The following SCN7A variants were observed in gnomAD, a reference collection of about 807,000 sequenced individuals.
SCN7A encodes the protein sodium voltage-gated channel alpha subunit 7, also known as sodium channel protein type 7 subunit alpha.
Under a neutral mutation model 155.2 loss-of-function variants are expected in SCN7A, and 138 were observed. The observed-to-expected ratio is 0.89, with a 90% CI of 0.77 to 1.02. SCN7A has a LOEUF of 1.02. Ranked by LOEUF, SCN7A falls within the 50% of genes least tolerant of loss-of-function variation. The probability of loss-of-function intolerance (pLI) is 0.00; values close to 1 mark genes in which losing one functional copy is unlikely to be tolerated. For synonymous variants in SCN7A, 693 were observed against 649.0 expected, an observed-to-expected ratio of 1.07 and a Z score of -1.03; for missense variants, 2,058 against 1,986.6, an observed-to-expected ratio of 1.04 and a Z score of -0.68.
chr2:166,427,832 TA>T lies in SCN7A; in HGVS notation c.2808del (p.Phe936LeufsTer33). 6.2e-7 allele frequency: 1 copy of T among 1,612,028 alleles called. No individual in the cohort carries two copies. Among genetic ancestry groups the T allele is most frequent in the South Asian group, 1.1e-5 (1 of 90,908 alleles). On this transcript the variant is annotated frameshift_variant, in exon 18 of 26. Coordinates refer to ENST00000643258, the MANE Select transcript of SCN7A (RefSeq NM_002976.4). LOFTEE classifies it high-confidence loss of function. ...TCCKIVENNW[F>X]KCFIGLVTLL... is the part of the protein sequence containing the mutation. ...AGAGTAACAAGCCCAATAAAACACT[TA>T]AACCAATTGTTCTCTACAATCTTGC...
At chr2:166,446,254 C>A (rs914668001) in intron 12 of SCN7A, among the ~76,000 whole-genome samples, 25 of 152,038 alleles carry the variant, frequency 1.6e-4, no homozygotes, top group African/African-American at 5.6e-4. Flanking sequence ...GTGTGGCCAA[C>A]AAACATTTGA....
chr2:166,441,439 C>T lies in SCN7A; in HGVS notation c.2114G>A (p.Cys705Tyr). Reference protein sequence around the residue: ...DCMEVAGQSWCIPFYLMVILI... With the variant: ...DCMEVAGQSWYIPFYLMVILI... ...AATGACCATCAGGTAAAAAGGAATA[C>T]ACCAGGATTGGCCTGCAACCTCCAT... Residue 705 changes from cysteine to tyrosine, a missense_variant, in exon 15 of 26, where the codon TGT becomes TAT. Cys to Tyr is a radical substitution (Grantham distance 194). Coordinates refer to ENST00000643258, the MANE Select transcript of SCN7A (RefSeq NM_002976.4). The T allele has an allele frequency of 6.2e-7, 1 of 1,611,252 alleles. No homozygotes were observed. The highest frequency in any genetic ancestry group is 1.1e-5 in the South Asian group (1 of 90,516).
chr2:166,462,480 T>C lies in SCN7A; in HGVS notation c.992A>G (p.Gln331Arg), dbSNP rs1702436607. 6.2e-7 allele frequency: 1 copy of C among 1,613,716 alleles called. No homozygotes were observed. The highest frequency in any genetic ancestry group is 8.5e-7 in the Non-Finnish European group (1 of 1,179,828). ...VCVKAGINPD[Q>R]GFTNFDSFGW... ...AAAACTGTCAAAATTTGTGAAGCCT[T>C]GATCAGGATTTATGCCAGCTTTTAC... Residue 331 changes from glutamine (Q) to arginine (R), a missense_variant, in exon 10 of 26, where the codon CAA becomes CGA. Gln to Arg is a conservative substitution (Grantham distance 43, BLOSUM62 1). Transcript: ENST00000643258.
At chr2:166,482,814 C>T (rs1305562569) in intron 2 of SCN7A, among the ~76,000 whole-genome samples, 2 of 151,032 alleles carry the variant, frequency 1.3e-5, no homozygotes, top group African/African-American at 2.4e-5. Context: ...ATGCATCTGA[C>T]TTCTAGATGG....
At chr2:166,417,475 C>A (rs906783671) in intron 20 of SCN7A, among the ~76,000 whole-genome samples, 5 of 151,856 alleles carry the variant, frequency 3.3e-5, no homozygotes, top group African/African-American at 7.2e-5. Context: ...TCCATCCCCC[C>A]ACAAAAAAGA....
Position 166,472,400 on chromosome 2 carries a change from G to T in SCN7A, c.489C>A (p.Leu163=). 6.2e-7 allele frequency: 1 copy of T among 1,607,084 alleles called. No individual in the cohort carries two copies. The highest frequency in any genetic ancestry group is 8.5e-7 in the Non-Finnish European group (1 of 1,175,602). ...ATCCTGCCCAGACACCTCTTGCAAA[G>T]AGTTTTACAAGTATTTCAAATGTGT... ...GIYTFEILVK[L]FARGVWAGSF... Residue 163 remains leucine (L), a synonymous_variant, in exon 6 of 26, where the codon CTC becomes CTA. Transcript: ENST00000643258.
chr2:166,409,418 T>C (rs950055592), intron 25 of SCN7A, among the ~76,000 whole-genome samples: 1 of 152,004 alleles, frequency 6.6e-6, no homozygotes, highest in Non-Finnish European at 1.5e-5. Context: ...TGGTGGCTTG[T>C]ATGCAAAGTC....
chr2:166,421,103 CGAGAA>C, intron 20 of SCN7A, 82 bp downstream of exon 20: 1 of 827,358 alleles, frequency 1.2e-6, no homozygotes, highest in Non-Finnish European at 1.9e-6. Context: ...AAGGTACAAA[CGAGAA>C]GAAAACAAAG....
intron 9 of SCN7A, 54 bp from the exon 10 acceptor site, chr2:166,462,584 G>GAGACTAAAGGTTTCTACTGGGGAT: frequency 6.5e-7 from 1 of 1,539,562 alleles, no homozygotes; most frequent in Non-Finnish European, 8.9e-7. Context: ...ATCAGATTAT[G>GAGACTAAAGGTTTCTACTGGGGAT]GTCAAATCAT....
At chr2:166,490,288 C>T (rs1683065343) in intron 1 of SCN7A, among the ~76,000 whole-genome samples, 1 of 152,100 alleles carries the variant, frequency 6.6e-6, no homozygotes, top group African/African-American at 2.4e-5. Context: ...CTGGAAAGTA[C>T]CATTCTACTC....
Position 166,405,502 on chromosome 2 carries a change from C to T in SCN7A, c.*78G>A. The T allele has an allele frequency of 9.2e-7, 1 of 1,085,390 alleles. No homozygotes were observed. The highest frequency in any genetic ancestry group is 1.3e-6 in the Non-Finnish European group (1 of 755,524). 67.2% of individuals were successfully genotyped at this position (1,085,390 alleles called of 1,614,324 possible). A position where few individuals can be genotyped will look rare whatever the true frequency, so the allele number is the denominator to read the frequency against. ...TGTAAAGAACTGATTATTATCTCTA[C>T]TTTTCTTTTATTCCTGGCTTAGGCT... On this transcript the variant is annotated 3_prime_UTR_variant, in exon 26 of 26. Coordinates refer to ENST00000643258, the MANE Select transcript of SCN7A (RefSeq NM_002976.4).
Position 166,404,526 on chromosome 2 carries a change from C to G in SCN7A, c.*1054G>C, listed in dbSNP as rs967414702. On this transcript the variant is annotated 3_prime_UTR_variant, in exon 26 of 26. Coordinates refer to ENST00000643258, the MANE Select transcript of SCN7A (RefSeq NM_002976.4). ...CATAGTTTGAGTGACCATTGTCTCT[C>G]TCTAAGTTATAAAGAATTATAACAT... The G allele has an allele frequency of 4.0e-5, 6 of 151,790 alleles. No homozygotes were observed. Among genetic ancestry groups the G allele is most frequent in the Non-Finnish European group, 7.4e-5 (5 of 67,878 alleles). The allele number at this position is 151,790 out of a possible 1,614,324, so 9.4% of individuals were successfully genotyped here.
chr2:166,441,489 C>T lies in SCN7A; in HGVS notation c.2064G>A (p.Glu688=), dbSNP rs1234487281. 4 of 1,613,996 alleles carry T rather than the reference C, an allele frequency of 2.5e-6. No homozygotes were observed. The highest frequency in any genetic ancestry group is 2.5e-6 in the Non-Finnish European group (3 of 1,179,994). Residue 688 remains glutamate (E), a synonymous_variant, in exon 15 of 26, where the codon GAG becomes GAA. Coordinates refer to ENST00000643258, the MANE Select transcript of SCN7A (RefSeq NM_002976.4). The part of the protein sequence containing the change: ...FLNVFRILCG[E]WVETLWDCME... ...TACAGTCCCACAAGGTCTCTACCCA[C>T]TCTCCACAGAGAATTCGGAACACAT...
At position 166,405,940 on chromosome 2, in the gene SCN7A, G is replaced by A; in HGVS notation, c.4689C>T (p.Asp1563=). The A allele has an allele frequency of 6.2e-7, 1 of 1,613,014 alleles. No homozygotes were observed. Among genetic ancestry groups the A allele is most frequent in the Non-Finnish European group, 8.5e-7 (1 of 1,179,360 alleles). ...TTCTGTCCCCAACAGCCATGGGGAG[G>A]TCCAAAGCAATGAGCTGGCCCTTGT... The part of the protein sequence containing the change: ...KPNKGQLIAL[D]LPMAVGDRIH... Residue 1563 remains aspartate, a synonymous_variant, in exon 26 of 26, where the codon GAC becomes GAT. Coordinates refer to ENST00000643258, the MANE Select transcript of SCN7A (RefSeq NM_002976.4).
intron 14 of SCN7A, among the ~76,000 whole-genome samples, chr2:166,442,088 T>C (rs1297895032): frequency 2.0e-5 from 3 of 152,160 alleles, no homozygotes; most frequent in Admixed American, 2.0e-4. Context: ...ATTGAATATT[T>C]TTCCACATTT....
chr2:166,425,343 G>A (rs1701601034), intron 18 of SCN7A, among the ~76,000 whole-genome samples: 1 of 152,054 alleles, frequency 6.6e-6, no homozygotes, highest in African/African-American at 2.4e-5. Context: ...CAGAAAACCT[G>A]GTACCTATGC....
At chr2:166,438,695 C>T (rs1248619441) in intron 15 of SCN7A, among the ~76,000 whole-genome samples, 2 of 152,038 alleles carry the variant, frequency 1.3e-5, no homozygotes, top group Non-Finnish European at 2.9e-5. Context: ...AAAAGATCAA[C>T]AGCTTCAAAG....
chr2:166,457,598 T>C (rs1158985271), intron 10 of SCN7A, among the ~76,000 whole-genome samples: 1 of 152,210 alleles, frequency 6.6e-6, no homozygotes, highest in Non-Finnish European at 1.5e-5. Flanking sequence ...TCAAAGTATC[T>C]GCTTTGGTGA....
Position 166,415,355 on chromosome 2 carries a change from G to T in SCN7A, c.3414+1352C>A, listed in dbSNP as rs941258198. 2.0e-5 allele frequency among the ~76,000 whole-genome samples: 3 copies of T among 151,598 alleles called. No homozygotes were observed. In the South Asian group the frequency reaches 6.2e-4, roughly 32 times the overall value. ...TTCTCCTGCCTCAGCTTCCCAAGTA[G>T]CTGGGACTACAGGTATGCGACACTC... On this transcript the variant is annotated intron_variant, in intron 21 of 25. Transcript: ENST00000643258.
Sources: gnomAD v4.1 joint callset for allele counts (sites outside exome capture counted in the v4.1 genomes callset) on GRCh38, gnomAD v4.1.1 for gene constraint, MANE v1.5 for transcripts, NCBI Gene and HGNC (gene_info 2026-07-23, HGNC 2026-07-21) for gene names.